Variants in ATP8A2 observed in about 807,000 individuals in gnomAD.
ATP8A2 encodes the protein ATPase phospholipid transporting 8A2, also known as phospholipid-transporting ATPase IB.
In ATP8A2, 100 loss-of-function variants were observed where a neutral mutation model predicts 165.6. That is an observed-to-expected ratio of 0.60 (90% confidence interval 0.51 to 0.71). ATP8A2 has a LOEUF of 0.71. Among genes scored for constraint, ATP8A2 ranks in the 30% least tolerant of loss-of-function variants. ATP8A2 has a pLI of 0.00. For missense variants in ATP8A2, 1,227 were observed against 1,479.5 expected (o/e 0.83, Z 2.80); for synonymous variants, 543 against 548.8 (o/e 0.99, Z 0.15).
rs527319504 is a variant in ATP8A2, at chr13:26,023,600, G to A, written c.*3615G>A. The A allele has an allele frequency of 4.6e-5, 7 of 152,256 alleles. No homozygotes were observed. The highest frequency in any genetic ancestry group is 7.2e-5 in the African/African-American group (3 of 41,548). The allele number at this position is 152,256 out of a possible 1,614,324, so 9.4% of individuals were successfully genotyped here. ...AAGTTATAGTCTGTAATTTCCATTT[G>A]TTATAATAATGACCTTTAATCTTGT... On this transcript the variant is annotated 3_prime_UTR_variant, in exon 37 of 37. Transcript: ENST00000381655.
At chr13:25,570,216 G>A (rs1033292256) in intron 16 of ATP8A2, among the ~76,000 whole-genome samples, 1 of 152,176 alleles carries the variant, frequency 6.6e-6, no homozygotes, top group African/African-American at 2.4e-5. Context: ...AACAGATGTC[G>A]GGGTGGGGAA....
At chr13:25,448,426 C>T (rs1006646783) in intron 1 of ATP8A2, among the ~76,000 whole-genome samples, 2 of 152,100 alleles carry the variant, frequency 1.3e-5, no homozygotes, top group African/African-American at 4.8e-5. Flanking sequence ...GGGAGATACA[C>T]TTAAGGAAAA....
chr13:25,860,714 G>T, intron 31 of ATP8A2, 90 bp from the exon 32 acceptor site: 2 of 1,030,064 alleles, frequency 1.9e-6, no homozygotes, highest in East Asian at 2.6e-5. Context: ...GGGGAAGCTA[G>T]TTCTGGAGTG....
At chr13:25,811,346 T>C (rs940990138) in intron 27 of ATP8A2, among the ~76,000 whole-genome samples, 2 of 152,176 alleles carry the variant, frequency 1.3e-5, no homozygotes, top group Admixed American at 1.3e-4. Context: ...TTATATAATG[T>C]CTTGGGAAAA....
chr13:25,580,018 C>A, intron 22 of ATP8A2, 71 bp downstream of exon 22: 1 of 1,547,522 alleles, frequency 6.5e-7, no homozygotes, highest in Non-Finnish European at 8.9e-7. Context: ...AGTATTTGAA[C>A]AGGAATCCTT....
chr13:25,386,548 A>C (rs914153189), intron 1 of ATP8A2, among the ~76,000 whole-genome samples: 14 of 152,180 alleles, frequency 9.2e-5, no homozygotes, highest in African/African-American at 1.2e-4. Context: ...CTCTCTAAGA[A>C]TGAAAGCTAT....
chr13:25,742,134 G>T (rs1178371555), intron 25 of ATP8A2, among the ~76,000 whole-genome samples: 3 of 152,136 alleles, frequency 2.0e-5, no homozygotes, highest in African/African-American at 4.8e-5. Flanking sequence ...ATAGCCTGTT[G>T]CTCCTAGGCT....
chr13:25,911,872 T>C (rs1954114977), intron 33 of ATP8A2, among the ~76,000 whole-genome samples: 1 of 152,164 alleles, frequency 6.6e-6, no homozygotes, highest in African/African-American at 2.4e-5. Flanking sequence ...GAATTTGTTT[T>C]AAAAAATTAA....
chr13:25,426,914 C>G (rs1475502604), intron 1 of ATP8A2, among the ~76,000 whole-genome samples: 2 of 152,194 alleles, frequency 1.3e-5, no homozygotes, highest in Non-Finnish European at 2.9e-5. Context: ...CCACTGCACT[C>G]TAGCCTGGGT....
At chr13:25,436,267 G>A (rs371562529) in intron 1 of ATP8A2, among the ~76,000 whole-genome samples, 7 of 152,070 alleles carry the variant, frequency 4.6e-5, no homozygotes, top group African/African-American at 7.2e-5. Context: ...CCCCTACCCC[G>A]TCCCCAATCC....
chr13:25,981,583 G>A (rs1417786214), intron 35 of ATP8A2, among the ~76,000 whole-genome samples: 1 of 151,910 alleles, frequency 6.6e-6, no homozygotes, highest in East Asian at 1.9e-4. Flanking sequence ...AATATCTCTG[G>A]ATTTCAATAT....
At chr13:25,726,148 A>G (rs953458097) in intron 25 of ATP8A2, among the ~76,000 whole-genome samples, 4 of 152,194 alleles carry the variant, frequency 2.6e-5, no homozygotes, top group African/African-American at 9.6e-5. Context: ...ATGATTTTGT[A>G]AAGAGGATAA....
chr13:25,784,911 G>T (rs1017924936), intron 27 of ATP8A2, among the ~76,000 whole-genome samples: 2 of 151,772 alleles, frequency 1.3e-5, no homozygotes, highest in African/African-American at 4.8e-5. Context: ...GATTACAGGT[G>T]CATGCCACCA....
chr13:25,759,748 C>A (rs1314971704), intron 25 of ATP8A2, among the ~76,000 whole-genome samples: 4 of 152,078 alleles, frequency 2.6e-5, no homozygotes, highest in Non-Finnish European at 5.9e-5. Context: ...CAGTCTAGTA[C>A]AGGAAGAGAC....
At chr13:25,778,940 C>T (rs1320966881) in intron 27 of ATP8A2, among the ~76,000 whole-genome samples, 2 of 152,138 alleles carry the variant, frequency 1.3e-5, no homozygotes, top group Non-Finnish European at 2.9e-5. Flanking sequence ...TTTTGTCTGT[C>T]TCCCATAGAC....
chr13:25,714,114 AAAAG>A (rs758760089), intron 25 of ATP8A2, among the ~76,000 whole-genome samples: 9 of 146,306 alleles, frequency 6.2e-5, no homozygotes, highest in Non-Finnish European at 7.5e-5. Context: ...TCCCTCTGCT[AAAAG>A]AAAGAAAGGA....
At chr13:25,806,680 C>A (rs530649863) in intron 27 of ATP8A2, among the ~76,000 whole-genome samples, 4 of 152,036 alleles carry the variant, frequency 2.6e-5, no homozygotes, top group Non-Finnish European at 5.9e-5. Flanking sequence ...GTATTCAGTT[C>A]TCTTCAATAC....
In ATP8A2 at chr13:25,464,530, G is replaced by GTA. The variant is rs2035585412; in HGVS notation, c.77-4443_77-4442dup. 2.0e-5 allele frequency among the ~76,000 whole-genome samples: 3 copies of GTA among 151,760 alleles called. No homozygotes were observed. The South Asian group carries it at 6.2e-4, about 32-fold the overall frequency. On this transcript the variant is annotated intron_variant, in intron 1 of 36. Coordinates refer to ENST00000381655, the MANE Select transcript of ATP8A2 (RefSeq NM_016529.6). ...AGACGGCCATCTAGAGACCTGGTGT[G>GTA]TATATGTTAATAGGTCAGCCATATG...
chr13:25,676,502 C>T (rs2042375180), intron 24 of ATP8A2, among the ~76,000 whole-genome samples: 1 of 152,106 alleles, frequency 6.6e-6, no homozygotes, highest in Non-Finnish European at 1.5e-5. Flanking sequence ...TGCCTCAGGA[C>T]ATTGCAGCCC....
Sources: allele counts gnomAD v4.1 joint callset (sites outside exome capture counted in the v4.1 genomes callset), GRCh38; gene constraint gnomAD v4.1.1; transcripts MANE v1.5; gene names NCBI Gene and HGNC (gene_info 2026-07-23, HGNC 2026-07-21).